Variants in MBP observed in about 807,000 individuals in gnomAD.
MBP encodes myelin basic protein.
Under a neutral mutation model 35.8 loss-of-function variants are expected in MBP, and 16 were observed. The ratio of observed to expected loss-of-function variants is 0.45; its 90% CI spans 0.30 to 0.68. The LOEUF is 0.68. Ranked by LOEUF, MBP falls within the 30% of genes least tolerant of loss-of-function variation. MBP has a pLI of 0.08. For missense variants in MBP, 380 were observed against 404.7 expected, an observed-to-expected ratio of 0.94 and a Z score of 0.52; for synonymous variants, 143 against 159.6, an observed-to-expected ratio of 0.90 and a Z score of 0.78.
rs900226956 is a variant in MBP at position 77,013,714 on chromosome 18, A to G, written c.576+3118T>C. 5 of 985,342 alleles carry G rather than the reference A, an allele frequency of 5.1e-6. No individual in the cohort carries two copies. In the Admixed American group the frequency reaches 3.1e-4, roughly 61 times the overall value. 61.0% of individuals were successfully genotyped at this position (985,342 alleles called of 1,614,324 possible). On this transcript the variant is annotated intron_variant, in intron 4 of 8. Coordinates refer to ENST00000355994, the MANE Select transcript of MBP (RefSeq NM_001025101.2). ...TAGACAAAATCATCGGTAAGAAGCTAGCTTTCGAAAACCTCCCTAAAAGTA... is the reference window on the plus strand; with the variant it reads ...TAGACAAAATCATCGGTAAGAAGCTGGCTTTCGAAAACCTCCCTAAAAGTA...
intron 4 of MBP, chr18:77,015,770 A>C: frequency 1.0e-6 from 1 of 985,440 alleles, no homozygotes; most frequent in Non-Finnish European, 1.2e-6. Context: ...AAATTCTAGA[A>C]ACTCCTTAAC....
intron 1 of MBP, chr18:77,127,568 T>G (rs1667906): frequency 0.24 from 37,032 of 152,154 alleles, 5,386 homozygotes; most frequent in South Asian, 0.36. Flanking sequence ...AATGTAAAAC[T>G]TTCTGCAAAG....
chr18:77,022,239 T>C (rs1044415336), intron 3 of MBP, among the ~76,000 whole-genome samples: 2 of 152,100 alleles, frequency 1.3e-5, no homozygotes, highest in African/African-American at 2.4e-5. Flanking sequence ...AAGCCAGCAG[T>C]TGGAACCCAG....
chr18:77,023,725 G>A (rs1599089238), intron 3 of MBP, among the ~76,000 whole-genome samples: 1 of 152,122 alleles, frequency 6.6e-6, no homozygotes, highest in Non-Finnish European at 1.5e-5. Flanking sequence ...CAATGGCCAC[G>A]CTGCTGCCTC....
In MBP at chr18:76,989,012, G is replaced by T; in HGVS notation, c.682-100C>A. The T allele has an allele frequency of 9.1e-7, 1 of 1,103,012 alleles. No individual in the cohort carries two copies. The highest frequency in any genetic ancestry group is 1.4e-6 in the Non-Finnish European group (1 of 713,772). 68.3% of individuals were successfully genotyped at this position (1,103,012 alleles called of 1,614,324 possible). A position where few individuals can be genotyped will look rare whatever the true frequency, so the allele number is the denominator to read the frequency against. ...TGCTGAGGGTGGCTAGCATCCATCA[G>T]CTGCCAGAAGCACCCGGGTGCCCAG... On this transcript the variant is annotated intron_variant, in intron 5 of 8. Coordinates refer to ENST00000355994, the MANE Select transcript of MBP (RefSeq NM_001025101.2). This position sits in a 1 kb window ranked among gnomAD's most constrained non-coding sequence, Gnocchi z 4.0.
chr18:77,035,742 A>C (rs1972741420), intron 3 of MBP, among the ~76,000 whole-genome samples: 1 of 152,248 alleles, frequency 6.6e-6, no homozygotes. Flanking sequence ...TATGTTTCTG[A>C]GAAAAAATAC....
At position 77,105,272 on chromosome 18, in the gene MBP, T is replaced by C; in HGVS notation, c.-11A>G. 1 of 1,610,968 alleles carries C rather than the reference T, an allele frequency of 6.2e-7. No homozygotes were observed. Among genetic ancestry groups the C allele is most frequent in the Non-Finnish European group, 8.5e-7 (1 of 1,177,638 alleles). On this transcript the variant is annotated 5_prime_UTR_variant, in exon 2 of 9. Coordinates refer to ENST00000355994, the MANE Select transcript of MBP (RefSeq NM_001025101.2). Reference sequence around the variant, plus strand: ...TGCGTGGTTTCCCATCCTGAATGGATTGGCTCTTCAGAGGCTAAAAGAGAA... The same window carrying C: ...TGCGTGGTTTCCCATCCTGAATGGACTGGCTCTTCAGAGGCTAAAAGAGAA...
intron 3 of MBP, among the ~76,000 whole-genome samples, chr18:77,060,831 CAG>C (rs1973949306): frequency 6.6e-6 from 1 of 152,190 alleles, no homozygotes; most frequent in Admixed American, 6.5e-5. Flanking sequence ...GAAACAGGCA[CAG>C]AGAGATGAAG....
At chr18:77,054,684 C>T (rs1973651644) in intron 3 of MBP, among the ~76,000 whole-genome samples, 2 of 152,182 alleles carry the variant, frequency 1.3e-5, no homozygotes, top group Non-Finnish European at 2.9e-5. Context: ...AAATAGTGCT[C>T]CTCATTTTGT....
At chr18:77,057,333 A>G (rs1307176135) in intron 3 of MBP, among the ~76,000 whole-genome samples, 4 of 152,172 alleles carry the variant, frequency 2.6e-5, no homozygotes, top group Non-Finnish European at 5.9e-5. Context: ...GGGGTCAGAC[A>G]AGATAATCTG....
intron 2 of MBP, among the ~76,000 whole-genome samples, chr18:77,074,613 T>C (rs1386195390): frequency 6.6e-6 from 1 of 150,810 alleles, no homozygotes; most frequent in Non-Finnish European, 1.5e-5. Context: ...ATGGCGAGAG[T>C]GGTGGGGTCA....
intron 8 of MBP, chr18:76,981,729 C>T (rs1281663537): frequency 6.6e-6 from 1 of 152,306 alleles, no homozygotes; most frequent in Admixed American, 6.5e-5. Context: ...GTGCAGGGCC[C>T]TGCCCCTCGA....
chr18:77,107,176 A>T (rs1004103031), intron 1 of MBP, among the ~76,000 whole-genome samples: 5 of 152,228 alleles, frequency 3.3e-5, no homozygotes, highest in Non-Finnish European at 7.3e-5. Flanking sequence ...CTTTCTGTTT[A>T]AGAAATAAGA....
intron 1 of MBP, chr18:77,108,763 T>A (rs775719973): frequency 6.6e-6 from 1 of 152,234 alleles, no homozygotes; most frequent in Non-Finnish European, 1.5e-5. Flanking sequence ...TAATTCAGCA[T>A]AGATAAAACT....
intron 4 of MBP, 48 bp downstream of exon 4, chr18:77,016,784 T>G (rs1394103236): frequency 6.7e-7 from 1 of 1,499,570 alleles, no homozygotes; most frequent in Admixed American, 1.8e-5. Context: ...TGATTTCTCC[T>G]TTGCTTTTTC....
At chr18:77,051,826 C>A (rs1484357376) in intron 3 of MBP, among the ~76,000 whole-genome samples, 2 of 152,120 alleles carry the variant, frequency 1.3e-5, no homozygotes, top group Non-Finnish European at 2.9e-5. Context: ...CTTTGCTAAA[C>A]CTGCATGTAA....
chr18:77,055,031 T>C (rs1973665939), intron 3 of MBP, among the ~76,000 whole-genome samples: 1 of 152,186 alleles, frequency 6.6e-6, no homozygotes, highest in East Asian at 1.9e-4. Flanking sequence ...ATGCAAACCA[T>C]GGGAAGTAAT....
At chr18:77,100,732 T>G (rs978287237) in intron 2 of MBP, among the ~76,000 whole-genome samples, 2 of 152,020 alleles carry the variant, frequency 1.3e-5, no homozygotes. Flanking sequence ...TTTGATTTTT[T>G]TGTAGAGATA....
intron 4 of MBP, among the ~76,000 whole-genome samples, chr18:76,993,956 T>G (rs960200800): frequency 6.6e-6 from 1 of 152,232 alleles, no homozygotes; most frequent in Non-Finnish European, 1.5e-5. Flanking sequence ...TGTCTATGAA[T>G]GCTGCAAGAA....
Sources: gnomAD v4.1 joint callset for allele counts (sites outside exome capture counted in the v4.1 genomes callset) on GRCh38, gnomAD v4.1.1 for gene constraint, Gnocchi (gnomAD v3.1) non-coding constraint, MANE v1.5 for transcripts, NCBI Gene and HGNC (gene_info 2026-07-23, HGNC 2026-07-21) for gene names.